Variants in SLC16A12 observed in about 807,000 individuals in gnomAD.
SLC16A12 encodes the protein solute carrier family 16 member 12.
A neutral mutation model predicts 42.4 loss-of-function variants in SLC16A12; 17 were observed. That is an observed-to-expected ratio of 0.40 (90% CI 0.27 to 0.60). SLC16A12 has a LOEUF of 0.60. Ranked by LOEUF, SLC16A12 falls within the 20% of genes least tolerant of loss-of-function variation. SLC16A12 has a pLI of 0.42. For synonymous variants in SLC16A12, 224 were observed against 229.4 expected (o/e 0.98, Z 0.21); for missense variants, 544 against 623.0 (o/e 0.87, Z 1.35).
Position 89,459,514 on chromosome 10 carries a change from T to TTGTGTGTGTGTGTG in SLC16A12, c.200+2864_200+2865insCACACACACACACA, listed in dbSNP as rs1385309778. On this transcript the variant is annotated intron_variant, in intron 3 of 7. Coordinates refer to ENST00000371790, the MANE Select transcript of SLC16A12 (RefSeq NM_213606.4). Reference sequence around the variant, plus strand: ...GGAAAGGGCATAGCGGTTTCTGTGTTTATGTGTGTGTGTGTGTGTGTGTAT... The same window carrying TTGTGTGTGTGTGTG: ...GGAAAGGGCATAGCGGTTTCTGTGTTTGTGTGTGTGTGTGTATGTGTGTGTGTGTGTGTGTGTAT... Among the ~76,000 whole-genome samples the TTGTGTGTGTGTGTG allele has an allele frequency of 9.4e-5, 8 of 84,878 alleles. No homozygotes were observed. In the South Asian group the frequency reaches 2.1e-3, roughly 22 times the overall value. 55.7% of individuals were successfully genotyped at this position (84,878 alleles called of 152,430 possible). A position where few individuals can be genotyped will look rare whatever the true frequency, so the allele number is the denominator to read the frequency against.
intron 2 of SLC16A12, among the ~76,000 whole-genome samples, chr10:89,501,364 G>A (rs541426883): frequency 6.6e-6 from 1 of 152,196 alleles, no homozygotes; most frequent in African/African-American, 2.4e-5. Flanking sequence ...TAAGCAAAAA[G>A]AACAAATCTG....
intron 2 of SLC16A12, among the ~76,000 whole-genome samples, chr10:89,514,116 G>A (rs1169971097): frequency 2.6e-5 from 4 of 152,166 alleles, no homozygotes; most frequent in African/African-American, 9.7e-5. Flanking sequence ...AGATTTGGGT[G>A]GAATCTGAAA....
chr10:89,505,404 C>G (rs1199132770), intron 2 of SLC16A12, among the ~76,000 whole-genome samples: 2 of 151,832 alleles, frequency 1.3e-5, no homozygotes, highest in African/African-American at 4.8e-5. Context: ...ACCTGGGTGA[C>G]AGAGTGAGAC....
At chr10:89,454,172 T>TGC (rs564335910) in intron 3 of SLC16A12, among the ~76,000 whole-genome samples, 52 of 151,978 alleles carry the variant, frequency 3.4e-4, no homozygotes, top group Non-Finnish European at 5.7e-4. Context: ...ACCACAGGAG[T>TGC]GCACCATCAT....
chr10:89,454,333 A>C (rs927172843), intron 3 of SLC16A12, among the ~76,000 whole-genome samples: 2 of 152,052 alleles, frequency 1.3e-5, no homozygotes, highest in African/African-American at 4.8e-5. Context: ...TCAACATATT[A>C]ATATCTCTAA....
At chr10:89,512,616 T>C (rs1008768596) in intron 2 of SLC16A12, among the ~76,000 whole-genome samples, 6 of 152,208 alleles carry the variant, frequency 3.9e-5, no homozygotes, top group Non-Finnish European at 8.8e-5. Context: ...TGAACAAGAA[T>C]GCATCCACAA....
intron 2 of SLC16A12, among the ~76,000 whole-genome samples, chr10:89,546,468 C>CA (rs1843743306): frequency 1.3e-5 from 2 of 152,160 alleles, no homozygotes; most frequent in South Asian, 2.1e-4. Flanking sequence ...AAATGCAAAT[C>CA]AAAACCACAA....
chr10:89,543,184 A>T (rs547457364), intron 2 of SLC16A12, among the ~76,000 whole-genome samples: 77 of 152,372 alleles, frequency 5.1e-4, no homozygotes, highest in Non-Finnish European at 7.6e-4. Context: ...AGTAAATTTT[A>T]AATCTAGAAT....
chr10:89,481,994 GA>G (rs1157099489), intron 2 of SLC16A12, among the ~76,000 whole-genome samples: 2 of 151,976 alleles, frequency 1.3e-5, no homozygotes, highest in African/African-American at 4.8e-5. Context: ...ATATTTTCAG[GA>G]TAAAAATAAG....
At chr10:89,440,123 AG>A (rs1841882563) in intron 5 of SLC16A12, among the ~76,000 whole-genome samples, 1 of 142,656 alleles carries the variant, frequency 7.0e-6, no homozygotes, top group Non-Finnish European at 1.5e-5. Flanking sequence ...TTACTTTTTA[AG>A]TGAAGAAAAT....
chr10:89,461,129 T>C (rs1842292346), intron 3 of SLC16A12, among the ~76,000 whole-genome samples: 1 of 152,208 alleles, frequency 6.6e-6, no homozygotes, highest in Non-Finnish European at 1.5e-5. Flanking sequence ...AGCTCACATA[T>C]GTAGATTTCG....
At chr10:89,505,855 G>A (rs537852816) in intron 2 of SLC16A12, among the ~76,000 whole-genome samples, 3 of 152,286 alleles carry the variant, frequency 2.0e-5, no homozygotes, top group South Asian at 4.2e-4. Flanking sequence ...CGTGGCTAGC[G>A]CAGCAGTCTG....
At chr10:89,533,607 T>C (rs2133874336) in intron 2 of SLC16A12, among the ~76,000 whole-genome samples, 1 of 152,192 alleles carries the variant, frequency 6.6e-6, no homozygotes, top group East Asian at 1.9e-4. Context: ...CCATAGAGGG[T>C]GCTGAGAATC....
At chr10:89,503,599 G>A (rs1843018777) in intron 2 of SLC16A12, among the ~76,000 whole-genome samples, 1 of 152,246 alleles carries the variant, frequency 6.6e-6, no homozygotes, top group South Asian at 2.1e-4. Context: ...AAATAAAGAA[G>A]AGATGTGGAC....
intron 3 of SLC16A12, among the ~76,000 whole-genome samples, chr10:89,460,826 A>G (rs1842287803): frequency 6.6e-6 from 1 of 151,780 alleles, no homozygotes; most frequent in East Asian, 1.9e-4. Flanking sequence ...ACTGTCTTCC[A>G]CAATGGTTGG....
chr10:89,545,125 T>C lies in SLC16A12; in HGVS notation c.-47+10757A>G, dbSNP rs568411935. ...TTGGGGCCAACCTGAGTCACCCCAG[T>C]TGAGCCCAGCCAAGACCAGCAAAGC... is the stretch of plus-strand genomic sequence containing the variant. On this transcript the variant is annotated intron_variant, in intron 2 of 2. Coordinates refer to the SLC16A12 transcript ENST00000475682. Among the ~76,000 whole-genome samples, 9 of 152,260 alleles carry C rather than the reference T, an allele frequency of 5.9e-5. No individual in the cohort carries two copies. In the East Asian group the frequency reaches 1.7e-3, roughly 29 times the overall value.
At chr10:89,467,612 C>T (rs752892631) in intron 2 of SLC16A12, among the ~76,000 whole-genome samples, 72 of 152,076 alleles carry the variant, frequency 4.7e-4, no homozygotes, top group Admixed American at 2.6e-3. Context: ...CGCTCATCTA[C>T]TTTGTGAGGG....
At chr10:89,539,298 G>T (rs1301866870), upstream of SLC16A12, among the ~76,000 whole-genome samples, 1 of 152,154 alleles carries the variant, frequency 6.6e-6, no homozygotes, top group African/African-American at 2.4e-5. Flanking sequence ...ACCTCCACAT[G>T]CATTAATAGT....
intron 2 of SLC16A12, among the ~76,000 whole-genome samples, chr10:89,463,614 AT>A: frequency 6.6e-6 from 1 of 152,314 alleles, no homozygotes; most frequent in Middle Eastern, 3.4e-3. Context: ...GATAAAAAAA[AT>A]TTCGTTAATT....
Sources: gnomAD v4.1 joint callset for allele counts (sites outside exome capture counted in the v4.1 genomes callset) on GRCh38, gnomAD v4.1.1 for gene constraint, MANE v1.5 for transcripts, NCBI Gene and HGNC (gene_info 2026-07-23, HGNC 2026-07-21) for gene names.